SLC35E2B: variants seen among roughly 807,000 people sequenced by gnomAD.
SLC35E2B encodes the protein solute carrier family 35, member E2B.
In SLC35E2B, 18 loss-of-function variants were observed where a neutral mutation model predicts 32.4. The observed-to-expected ratio is 0.56, with a 90% CI of 0.38 to 0.82. SLC35E2B has a LOEUF of 0.82. SLC35E2B is among the 40% of genes least tolerant of loss of function. SLC35E2B has a pLI of 0.00. For synonymous variants in SLC35E2B, 132 were observed against 209.1 expected, an observed-to-expected ratio of 0.63 and a Z score of 3.18; for missense variants, 263 against 469.5, an observed-to-expected ratio of 0.56 and a Z score of 4.06.
rs776774099 is a variant in SLC35E2B, at chr1:1,675,487, G to A, written c.562C>T (p.Arg188Trp). 9.1e-5 allele frequency: 147 copies of A among 1,608,920 alleles called. No individual in the cohort carries two copies. The Middle Eastern group carries it at 1.0e-3, about 11-fold the overall frequency. ...CCTGTGTACTCCCCCAGAATCATCC[G>A]AGACATGATCACCGTGAAGATGGGG... Reference protein sequence around the residue: ...SAPIFTVIMSRMILGEYTGLL... With the variant: ...SAPIFTVIMSWMILGEYTGLL... The change falls in exon 5 of 10, where the codon CGG (arginine) becomes TGG (tryptophan). Residue 188 changes from arginine to tryptophan, a missense_variant. Around this residue, in one of 7 missense-constraint regions of SLC35E2B, gnomAD observed 129 missense variants for 164.5 expected, o/e 0.78. Transcript: ENST00000617444.
chr1:1,684,020 T>G (rs1643923318), intron 2 of SLC35E2B, among the ~76,000 whole-genome samples: 1 of 152,070 alleles, frequency 6.6e-6, no homozygotes, highest in South Asian at 2.1e-4. Context: ...AGAACCCCAG[T>G]ACTTTGGAAG....
Position 1,662,799 on chromosome 1 carries a change from C to G in SLC35E2B, c.*2983G>C. On this transcript the variant is annotated 3_prime_UTR_variant, in exon 10 of 10. Coordinates refer to ENST00000617444, the MANE Select transcript of SLC35E2B (RefSeq NM_001290264.2). The stretch of plus-strand genomic sequence containing the variant: ...CGGGAGGTGGTTCAAGTGTTCTGTT[C>G]GTTTACAAAAGCACAGACCACGACC... 2.6e-6 allele frequency: 2 copies of G among 776,768 alleles called. No individual in the cohort carries two copies. Among genetic ancestry groups the G allele is most frequent in the South Asian group, 1.1e-4 (2 of 18,624 alleles). The allele number at this position is 776,768 out of a possible 1,614,324, so 48.1% of individuals were successfully genotyped here. A position where few individuals can be genotyped will look rare whatever the true frequency, so the allele number is the denominator to read the frequency against.
At chr1:1,688,955 A>C (rs900069423) in intron 2 of SLC35E2B, among the ~76,000 whole-genome samples, 2 of 151,780 alleles carry the variant, frequency 1.3e-5, no homozygotes, top group Non-Finnish European at 2.9e-5. Context: ...GCGCATCACG[A>C]GGTCAGGAGA....
chr1:1,669,997 C>A lies in SLC35E2B; in HGVS notation c.761+101G>T, dbSNP rs1179332015. On this transcript the variant is annotated intron_variant, in intron 7 of 9. Transcript: ENST00000617444. ...ACTTGTAAAGGCCACCCAAGCCAGA[C>A]AGGAAGGGAGTCAGGCCTGTGGGGT... 6.1e-6 allele frequency: 7 copies of A among 1,143,168 alleles called. No homozygotes were observed. The African/African-American group carries it at 6.2e-5, about 10-fold the overall frequency. 70.8% of individuals were successfully genotyped at this position (1,143,168 alleles called of 1,614,324 possible).
Position 1,665,875 on chromosome 1 carries a change from C to T in SLC35E2B, c.1125G>A (p.Gln375=), listed in dbSNP as rs755574842. Residue 375 remains glutamine, a synonymous_variant, in exon 10 of 10, where the codon CAG becomes CAA. Transcript: ENST00000617444. The part of the protein sequence containing the change: ...LLYNKARQHQ[Q]EALQSLAAAT... ...CTGCAGCCAGGCTCTGCAGCGCCTC[C>T]TGCTGGTGTTGCCTGGCTTTGTTGT... The T allele has an allele frequency of 9.7e-6, 15 of 1,550,954 alleles. No individual in the cohort carries two copies. In the South Asian group the frequency reaches 1.7e-4, roughly 17 times the overall value.
At position 1,677,467 on chromosome 1, in the gene SLC35E2B, C is replaced by T. The variant is rs545271821; in HGVS notation, c.-147-621G>A. Among the ~76,000 whole-genome samples, 200 of 149,946 alleles carry T rather than the reference C, an allele frequency of 1.3e-3. 2 individuals carry two copies. Among genetic ancestry groups the T allele is most frequent in the African/African-American group, 4.6e-3 (187 of 40,620 alleles). On this transcript the variant is annotated intron_variant, in intron 2 of 9. Transcript: ENST00000617444. Reference sequence around the variant, plus strand: ...GGTGCCCAGGACTAATTCCATGCTACTTTCTTTTTCCTTTTTTTTTTTTTT... The same window carrying T: ...GGTGCCCAGGACTAATTCCATGCTATTTTCTTTTTCCTTTTTTTTTTTTTT...
rs187812406 is a variant in SLC35E2B, at chr1:1,684,828, G to A, written c.-148+6148C>T. Among the ~76,000 whole-genome samples the A allele has an allele frequency of 3.4e-3, 487 of 144,666 alleles. 2 individuals carry two copies. The highest frequency in any genetic ancestry group is 5.8e-3 in the Non-Finnish European group (387 of 66,366). The allele number at this position is 144,666 out of a possible 152,430, so 94.9% of individuals were successfully genotyped here. Reference sequence around the variant, plus strand: ...AAAAAAAAAAAACAGGACAGCCAGCGGGTGCAGTGGTTCCCACCTGTAATC... The same window carrying A: ...AAAAAAAAAAAACAGGACAGCCAGCAGGTGCAGTGGTTCCCACCTGTAATC... On this transcript the variant is annotated intron_variant, in intron 2 of 9. Transcript: ENST00000617444.
In SLC35E2B at chr1:1,665,069, A is replaced by T; in HGVS notation, c.*713T>A. The stretch of plus-strand genomic sequence containing the variant: ...GGGTTGCGGGGAGCTCACGCAGCCC[A>T]GGGTGTGGAAGGGATAGGAGGGCAG... On this transcript the variant is annotated 3_prime_UTR_variant, in exon 10 of 10. Coordinates refer to ENST00000617444, the MANE Select transcript of SLC35E2B (RefSeq NM_001290264.2). The T allele has an allele frequency of 5.6e-6, 3 of 538,236 alleles. No individual in the cohort carries two copies. The highest frequency in any genetic ancestry group is 7.1e-6 in the Non-Finnish European group (3 of 421,240). The allele number at this position is 538,236 out of a possible 1,614,324, so 33.3% of individuals were successfully genotyped here. A position where few individuals can be genotyped will look rare whatever the true frequency, so the allele number is the denominator to read the frequency against.
In SLC35E2B at chr1:1,684,064, C is replaced by T. The variant is rs755606681; in HGVS notation, c.-148+6912G>A. Reference sequence around the variant, plus strand: ...GGGAGGATCGCTTGCTGTCCACTCACGTCTGGGGCACAGCCCAGGAGACCC... The same window carrying T: ...GGGAGGATCGCTTGCTGTCCACTCATGTCTGGGGCACAGCCCAGGAGACCC... On this transcript the variant is annotated intron_variant, in intron 2 of 9. Transcript: ENST00000617444. 6.2e-4 allele frequency among the ~76,000 whole-genome samples: 94 copies of T among 152,224 alleles called. 1 individual carries two copies. Among genetic ancestry groups the T allele is most frequent in the Non-Finnish European group, 1.1e-3 (75 of 68,006 alleles).
rs969062800 is a variant in SLC35E2B at position 1,665,331 on chromosome 1, C to T, written c.*451G>A. On this transcript the variant is annotated 3_prime_UTR_variant, in exon 10 of 10. Coordinates refer to ENST00000617444, the MANE Select transcript of SLC35E2B (RefSeq NM_001290264.2). ...CCTCCCTTCGGCCCTGCTCTGTGGC[C>T]TCATGCCCAGGGCCAGTCTGCCGCC... is the stretch of plus-strand genomic sequence containing the variant. 2.6e-6 allele frequency: 1 copy of T among 390,990 alleles called. No individual in the cohort carries two copies. Among genetic ancestry groups the T allele is most frequent in the African/African-American group, 2.1e-5 (1 of 48,348 alleles). The allele number at this position is 390,990 out of a possible 1,614,324, so 24.2% of individuals were successfully genotyped here.
chr1:1,684,967 C>T (rs191121086), intron 2 of SLC35E2B, among the ~76,000 whole-genome samples: 112 of 151,346 alleles, frequency 7.4e-4, no homozygotes, highest in Middle Eastern at 3.4e-3. Flanking sequence ...ATTAGCCGGG[C>T]GTGGTGGCGC....
At chr1:1,687,837 G>T in intron 2 of SLC35E2B, among the ~76,000 whole-genome samples, 1 of 151,956 alleles carries the variant, frequency 6.6e-6, no homozygotes, top group Non-Finnish European at 1.5e-5. Flanking sequence ...GAGGTTGCAG[G>T]GAACCAAGAT....
intron 2 of SLC35E2B, among the ~76,000 whole-genome samples, chr1:1,686,044 GC>G (rs199884634): frequency 0.032 from 4,817 of 151,964 alleles, 116 homozygotes; most frequent in Middle Eastern, 0.051. Flanking sequence ...CACTCTTGTT[GC>G]CCAGGCTGGA....
rs114043810 is a variant in SLC35E2B, at chr1:1,665,149, G to A, written c.*633C>T. The A allele has an allele frequency of 6.8e-3, 1,146 of 167,684 alleles. 12 individuals carry two copies. The highest frequency in any genetic ancestry group is 0.026 in the African/African-American group (1,070 of 41,912). The allele number at this position is 167,684 out of a possible 1,614,324, so 10.4% of individuals were successfully genotyped here. On this transcript the variant is annotated 3_prime_UTR_variant, in exon 10 of 10. Transcript: ENST00000617444. The stretch of plus-strand genomic sequence containing the variant: ...AAACAGAAGCGACTGAACGGCCTCC[G>A]TGGTCATAGCCCTTGAGTGCCGTGC...
intron 9 of SLC35E2B, among the ~76,000 whole-genome samples, chr1:1,666,667 C>G (rs1046702825): frequency 2.6e-5 from 4 of 151,580 alleles, no homozygotes; most frequent in Admixed American, 2.0e-4. Flanking sequence ...CGTGGGGGCT[C>G]ATGTCTGTAA....
chr1:1,689,532 G>A (rs995553036), intron 2 of SLC35E2B, among the ~76,000 whole-genome samples: 1 of 151,548 alleles, frequency 6.6e-6, no homozygotes, highest in African/African-American at 2.4e-5. Flanking sequence ...AAACTTAAAT[G>A]TGTAAAACTT....
chr1:1,690,522 T>A (rs1298054128), intron 2 of SLC35E2B, among the ~76,000 whole-genome samples: 1 of 141,718 alleles, frequency 7.1e-6, no homozygotes, highest in East Asian at 2.1e-4. Flanking sequence ...GCAGATCACC[T>A]GAGGTCAGGA....
At chr1:1,666,109 G>C (rs1643538568) in intron 9 of SLC35E2B, 90 bp from the exon 10 acceptor site, 4 of 1,432,290 alleles carry the variant, frequency 2.8e-6, no homozygotes, top group South Asian at 2.8e-5. Flanking sequence ...GGGTCTGGAG[G>C]CTGGGTGGGG....
Position 1,665,427 on chromosome 1 carries a change from G to A in SLC35E2B, c.*355C>T, listed in dbSNP as rs1394549696. ...GGCTCTCTTGGCTGTGGCAGGGAGC[G>A]GCTCTCGTTGGCACTGGACCCACCT... On this transcript the variant is annotated 3_prime_UTR_variant, in exon 10 of 10. Coordinates refer to ENST00000617444, the MANE Select transcript of SLC35E2B (RefSeq NM_001290264.2). 5 of 465,248 alleles carry A rather than the reference G, an allele frequency of 1.1e-5. No homozygotes were observed. Among genetic ancestry groups the A allele is most frequent in the African/African-American group, 8.0e-5 (4 of 50,122 alleles). 28.8% of individuals were successfully genotyped at this position (465,248 alleles called of 1,614,324 possible).
Sources: gnomAD v4.1 joint callset for allele counts (sites outside exome capture counted in the v4.1 genomes callset) on GRCh38, gnomAD v4.1.1 for gene constraint, gnomAD v4.1.1 regional missense constraint, MANE v1.5 for transcripts, NCBI Gene and HGNC (gene_info 2026-07-23, HGNC 2026-07-21) for gene names.